RNGTT: variants seen among roughly 807,000 people sequenced by gnomAD.
RNGTT encodes mRNA-capping enzyme.
RNGTT carries 33 observed loss-of-function variants against 79.3 expected under a neutral mutation model. That is an observed-to-expected ratio of 0.42 (90% CI 0.32 to 0.56). RNGTT has a LOEUF of 0.56. Among genes scored for constraint, RNGTT ranks in the 20% least tolerant of loss-of-function variants. The pLI is 0.17. For synonymous variants in RNGTT, 222 were observed against 235.9 expected, an observed-to-expected ratio of 0.94 and a Z score of 0.54; for missense variants, 497 against 739.1, an observed-to-expected ratio of 0.67 and a Z score of 3.80.
At chr6:88,675,473 C>T (rs1312709905) in intron 14 of RNGTT, among the ~76,000 whole-genome samples, 1 of 152,108 alleles carries the variant, frequency 6.6e-6, no homozygotes, top group Non-Finnish European at 1.5e-5. Flanking sequence ...GGGAGGATTG[C>T]TTGAGGCCAG....
chr6:88,826,098 C>T (rs992130244), intron 11 of RNGTT, among the ~76,000 whole-genome samples: 2 of 152,166 alleles, frequency 1.3e-5, no homozygotes, highest in African/African-American at 4.8e-5. Flanking sequence ...CTTACAATGA[C>T]AAATCACAGT....
chr6:88,733,974 A>C (rs1777201640), intron 13 of RNGTT, among the ~76,000 whole-genome samples: 1 of 152,208 alleles, frequency 6.6e-6, no homozygotes, highest in African/African-American at 2.4e-5. Context: ...GAGAGAAAAA[A>C]AAGATACAGG....
intron 14 of RNGTT, among the ~76,000 whole-genome samples, chr6:88,674,296 C>T (rs1213918910): frequency 2.0e-5 from 3 of 152,032 alleles, no homozygotes; most frequent in African/African-American, 7.2e-5. Flanking sequence ...ACCTGTAATC[C>T]CGGCACTTTC....
intron 13 of RNGTT, among the ~76,000 whole-genome samples, chr6:88,718,951 ATAGTATAAAAATG>A (rs1776615801): frequency 6.6e-6 from 1 of 152,190 alleles, no homozygotes; most frequent in Admixed American, 6.5e-5. Context: ...ATCCCTTTTC[ATAGTATAAAAATG>A]GTTAAAAGCA....
At chr6:88,849,434 A>G (rs1312640540) in intron 10 of RNGTT, among the ~76,000 whole-genome samples, 3 of 152,148 alleles carry the variant, frequency 2.0e-5, no homozygotes, top group African/African-American at 7.2e-5. Flanking sequence ...AAATAAACTC[A>G]TGAGATTTAA....
intron 9 of RNGTT, 61 bp from the exon 10 acceptor site, chr6:88,849,887 T>C (rs887766418): frequency 2.1e-6 from 3 of 1,445,170 alleles, no homozygotes; most frequent in African/African-American, 1.5e-5. Context: ...TTTAATTTAA[T>C]TGAAATATGG....
intron 2 of RNGTT, among the ~76,000 whole-genome samples, chr6:88,936,584 AG>A (rs1784672568): frequency 1.3e-5 from 2 of 152,306 alleles, no homozygotes; most frequent in South Asian, 2.1e-4. Flanking sequence ...TTTATCATGA[AG>A]GGATGTTGAT....
chr6:88,702,998 G>A (rs1201592476), intron 13 of RNGTT, among the ~76,000 whole-genome samples: 1 of 152,040 alleles, frequency 6.6e-6, no homozygotes, highest in East Asian at 1.9e-4. Flanking sequence ...AAACCAAAAT[G>A]AAATACCATC....
chr6:88,617,794 A>G (rs543753318), intron 14 of RNGTT, among the ~76,000 whole-genome samples: 4 of 152,234 alleles, frequency 2.6e-5, no homozygotes, highest in Admixed American at 2.0e-4. Context: ...AAGTCTTCCA[A>G]TCCACAAGCA....
intron 11 of RNGTT, among the ~76,000 whole-genome samples, chr6:88,821,439 A>C (rs1215847001): frequency 6.6e-6 from 1 of 152,084 alleles, no homozygotes; most frequent in African/African-American, 2.4e-5. Context: ...AGATGTGTGA[A>C]ATATAGGGCA....
At chr6:88,746,356 T>C (rs1425425406) in intron 13 of RNGTT, among the ~76,000 whole-genome samples, 3 of 152,174 alleles carry the variant, frequency 2.0e-5, no homozygotes, top group Non-Finnish European at 4.4e-5. Flanking sequence ...CAGGTCCCCT[T>C]GCAGAAAGAC....
At chr6:88,853,504 CAAA>C (rs878907929) in intron 9 of RNGTT, 122 bp downstream of exon 9, 2,949 of 437,302 alleles carry the variant, frequency 6.7e-3, no homozygotes, top group South Asian at 0.01. Context: ...GACTCCGTCT[CAAA>C]AAAAAAAAAA....
intron 4 of RNGTT, among the ~76,000 whole-genome samples, chr6:88,913,574 G>A (rs1248060447): frequency 3.9e-5 from 6 of 152,108 alleles, no homozygotes; most frequent in Non-Finnish European, 8.8e-5. Flanking sequence ...CAGTAAGTGT[G>A]ATTTAACACA....
intron 13 of RNGTT, among the ~76,000 whole-genome samples, chr6:88,678,895 A>T (rs1319580348): frequency 6.6e-6 from 1 of 152,158 alleles, no homozygotes; most frequent in East Asian, 1.9e-4. Context: ...TGAATAACAC[A>T]AGTTTGAACA....
At chr6:88,724,946 C>CCACA (rs1260636105) in intron 13 of RNGTT, among the ~76,000 whole-genome samples, 3 of 152,172 alleles carry the variant, frequency 2.0e-5, no homozygotes, top group Non-Finnish European at 2.9e-5. Context: ...GCAGCAGGGG[C>CCACA]CACATGGTCA....
chr6:88,844,532 T>G lies in RNGTT; in HGVS notation c.1105-11A>C. 6.3e-7 allele frequency: 1 copy of G among 1,594,988 alleles called. No homozygotes were observed. The highest frequency in any genetic ancestry group is 8.5e-7 in the Non-Finnish European group (1 of 1,173,668). ...TCCAACGGGCTGTGACTGAATTAAA[T>G]AAAGAATTAGTTAAATTTCAACACT... is the stretch of plus-strand genomic sequence containing the variant. On this transcript the variant is annotated splice_polypyrimidine_tract_variant and intron_variant, in intron 10 of 15. Coordinates refer to ENST00000369485, the MANE Select transcript of RNGTT (RefSeq NM_003800.5).
intron 11 of RNGTT, among the ~76,000 whole-genome samples, chr6:88,811,336 A>G (rs893925031): frequency 6.6e-6 from 1 of 152,216 alleles, no homozygotes; most frequent in Non-Finnish European, 1.5e-5. Flanking sequence ...TATAAAACTT[A>G]AATTTGCTTA....
chr6:88,812,337 T>C (rs970113406), intron 11 of RNGTT, among the ~76,000 whole-genome samples: 6 of 152,204 alleles, frequency 3.9e-5, no homozygotes, highest in African/African-American at 1.4e-4. Context: ...CCTCTTAATT[T>C]TGGTTGCCGT....
At chr6:88,931,409 C>A (rs573941133) in intron 2 of RNGTT, among the ~76,000 whole-genome samples, 2 of 152,074 alleles carry the variant, frequency 1.3e-5, no homozygotes, top group South Asian at 4.1e-4. Flanking sequence ...AACAGTGGAA[C>A]CTGTGTGGTA....
Sources: allele counts gnomAD v4.1 joint callset (sites outside exome capture counted in the v4.1 genomes callset), GRCh38; gene constraint gnomAD v4.1.1; transcripts MANE v1.5; gene names NCBI Gene and HGNC (gene_info 2026-07-23, HGNC 2026-07-21).